The following GRID2 variants were observed in gnomAD, a reference collection of about 807,000 sequenced individuals.
The protein encoded by GRID2 is glutamate ionotropic receptor delta type subunit 2, also known as glutamate receptor ionotropic, delta-2.
In GRID2, 33 loss-of-function variants were observed where a neutral mutation model predicts 114.8. That is an observed-to-expected ratio of 0.29 (90% CI 0.22 to 0.38). The LOEUF is 0.38. GRID2 is among the 10% of genes least tolerant of loss of function. GRID2 has a pLI of 1.00. For synonymous variants in GRID2, 505 were observed against 449.9 expected (o/e 1.12, Z -1.55); for missense variants, 1,184 against 1,257.7 (o/e 0.94, Z 0.89).
intron 2 of GRID2, among the ~76,000 whole-genome samples, chr4:93,026,970 A>G (rs947315157): frequency 6.6e-6 from 1 of 152,220 alleles, no homozygotes; most frequent in South Asian, 2.1e-4. Flanking sequence ...GTTTGTACAG[A>G]TGCGAAGCAT....
At chr4:92,531,295 A>G (rs1173447593) in intron 1 of GRID2, among the ~76,000 whole-genome samples, 1 of 152,144 alleles carries the variant, frequency 6.6e-6, no homozygotes, top group Non-Finnish European at 1.5e-5. Flanking sequence ...TTCATTTTAG[A>G]TGACCACGAG....
intron 2 of GRID2, among the ~76,000 whole-genome samples, chr4:92,600,042 GTGTATA>G (rs1336168101): frequency 4.9e-3 from 341 of 70,250 alleles, no homozygotes; most frequent in Middle Eastern, 0.015. Flanking sequence ...GTGTGTGTGT[GTGTATA>G]TATATATATA....
chr4:92,827,692 CA>C (rs1334957879), intron 2 of GRID2, among the ~76,000 whole-genome samples: 1 of 151,808 alleles, frequency 6.6e-6, no homozygotes, highest in East Asian at 1.9e-4. Flanking sequence ...TAAGAGGGTA[CA>C]AAGCAGTGTA....
intron 13 of GRID2, among the ~76,000 whole-genome samples, chr4:93,542,056 A>G (rs75002945): frequency 1.3e-5 from 2 of 152,184 alleles, no homozygotes; most frequent in African/African-American, 4.8e-5. Context: ...TACCCCTCAC[A>G]TAGCCCTCTT....
At chr4:92,790,794 A>G (rs1739548295) in intron 2 of GRID2, among the ~76,000 whole-genome samples, 1 of 150,622 alleles carries the variant, frequency 6.6e-6, no homozygotes, top group South Asian at 2.1e-4. Flanking sequence ...CAGTAAATGT[A>G]TCTTTCATAA....
chr4:92,587,417 G>A (rs1728502741), intron 1 of GRID2, among the ~76,000 whole-genome samples: 1 of 152,022 alleles, frequency 6.6e-6, no homozygotes, highest in African/African-American at 2.4e-5. Context: ...ACTATTGGAA[G>A]TGGGTGAAAT....
intron 13 of GRID2, among the ~76,000 whole-genome samples, chr4:93,538,554 G>C (rs1732336851): frequency 6.6e-6 from 1 of 151,604 alleles, no homozygotes; most frequent in African/African-American, 2.4e-5. Context: ...AAAGAGTACG[G>C]AACAGGAAAA....
At chr4:92,329,969 AAAAGG>A (rs1312802910) in intron 1 of GRID2, among the ~76,000 whole-genome samples, 1 of 144,416 alleles carries the variant, frequency 6.9e-6, no homozygotes, top group Non-Finnish European at 1.5e-5. Flanking sequence ...AGAAAGGAGA[AAAAGG>A]AAGAGGAGTA....
chr4:92,482,223 C>G, intron 1 of GRID2, among the ~76,000 whole-genome samples: 1 of 151,104 alleles, frequency 6.6e-6, no homozygotes, highest in African/African-American at 2.4e-5. Flanking sequence ...GAATAGAAAA[C>G]CAAATATTGC....
intron 1 of GRID2, among the ~76,000 whole-genome samples, chr4:92,492,309 G>C (rs941302438): frequency 6.6e-6 from 1 of 152,036 alleles, no homozygotes; most frequent in Non-Finnish European, 1.5e-5. Flanking sequence ...TTCTTTCTTG[G>C]TAAAATAGTC....
intron 1 of GRID2, among the ~76,000 whole-genome samples, chr4:92,497,934 G>C (rs914934568): frequency 6.6e-6 from 1 of 151,548 alleles, no homozygotes; most frequent in Non-Finnish European, 1.5e-5. Context: ...TTAAATCTTA[G>C]CTGCATAAGT....
At chr4:93,305,862 C>T (rs1017614219) in intron 8 of GRID2, among the ~76,000 whole-genome samples, 1 of 151,746 alleles carries the variant, frequency 6.6e-6, no homozygotes, top group South Asian at 2.1e-4. Flanking sequence ...TGATCTATAT[C>T]CATTAGACTA....
At chr4:92,847,885 C>T (rs892699199) in intron 2 of GRID2, among the ~76,000 whole-genome samples, 1 of 151,740 alleles carries the variant, frequency 6.6e-6, no homozygotes, top group East Asian at 1.9e-4. Context: ...TGTTTTTATT[C>T]AGTAGACAGT....
intron 1 of GRID2, among the ~76,000 whole-genome samples, chr4:92,497,757 A>T (rs1723466799): frequency 6.6e-6 from 1 of 151,836 alleles, no homozygotes; most frequent in Non-Finnish European, 1.5e-5. Flanking sequence ...CACATATTTG[A>T]ATTTTCCTAT....
At chr4:92,542,929 A>G (rs1034331109) in intron 1 of GRID2, among the ~76,000 whole-genome samples, 1 of 152,048 alleles carries the variant, frequency 6.6e-6, no homozygotes, top group Admixed American at 6.6e-5. Context: ...ATGAGTTTTT[A>G]TTCATTTTGC....
intron 2 of GRID2, among the ~76,000 whole-genome samples, chr4:92,685,621 C>T (rs1579840130): frequency 6.6e-6 from 1 of 152,076 alleles, no homozygotes; most frequent in East Asian, 1.9e-4. Flanking sequence ...TCATAGAGTT[C>T]ACTGATTTTA....
At chr4:93,784,106 C>T (rs1030857492) in intron 1 of GRID2, among the ~76,000 whole-genome samples, 3 of 142,682 alleles carry the variant, frequency 2.1e-5, no homozygotes, top group Non-Finnish European at 3.0e-5. Context: ...AAAACCAACC[C>T]TTATTGAGTC....
At chr4:92,961,065 T>A (rs1752771143) in intron 2 of GRID2, among the ~76,000 whole-genome samples, 1 of 151,854 alleles carries the variant, frequency 6.6e-6, no homozygotes, top group African/African-American at 2.4e-5. Flanking sequence ...TACTTAATAT[T>A]TCTAACTTCT....
intron 2 of GRID2, among the ~76,000 whole-genome samples, chr4:92,910,684 T>A (rs2149490599): frequency 6.6e-6 from 1 of 152,216 alleles, no homozygotes. Flanking sequence ...TTTTAGGACC[T>A]CTTTTCATAC....
Sources: allele counts gnomAD v4.1 joint callset (sites outside exome capture counted in the v4.1 genomes callset), GRCh38; gene constraint gnomAD v4.1.1; transcripts MANE v1.5; gene names NCBI Gene and HGNC (gene_info 2026-07-23, HGNC 2026-07-21).